Variants in MAML3 observed in about 807,000 individuals in gnomAD.
MAML3 encodes mastermind like transcriptional coactivator 3.
MAML3 carries 27 observed loss-of-function variants against 101.9 expected under a neutral mutation model. The observed-to-expected ratio is 0.27, with a 90% CI of 0.20 to 0.37. The LOEUF (loss-of-function observed/expected upper bound fraction) is 0.37. Ranked by LOEUF, MAML3 falls within the 10% of genes least tolerant of loss-of-function variation. The pLI, the probability that MAML3 is intolerant of heterozygous loss-of-function variation, is 1.00. For synonymous variants in MAML3, 501 were observed against 555.9 expected (o/e 0.90, Z 1.39); for missense variants, 1,316 against 1,444.9 (o/e 0.91, Z 1.45).
intron 1 of MAML3, among the ~76,000 whole-genome samples, chr4:139,922,661 T>C (rs1389456802): frequency 6.6e-6 from 1 of 152,232 alleles, no homozygotes; most frequent in Non-Finnish European, 1.5e-5. Flanking sequence ...CTTCTCCTTC[T>C]TTTTCATTTC....
chr4:139,771,095 T>C (rs750123252), intron 2 of MAML3, among the ~76,000 whole-genome samples: 1 of 152,244 alleles, frequency 6.6e-6, no homozygotes, highest in Non-Finnish European at 1.5e-5. Flanking sequence ...TCTTACGTTT[T>C]ATCCATTCAT....
In MAML3 at chr4:139,719,258, TC is replaced by T; in HGVS notation, c.*64del. 1 of 1,498,822 alleles carries T rather than the reference TC, an allele frequency of 6.7e-7. No homozygotes were observed. The allele number at this position is 1,498,822 out of a possible 1,614,324, so 92.8% of individuals were successfully genotyped here. A position where few individuals can be genotyped will look rare whatever the true frequency, so the allele number is the denominator to read the frequency against. ...AACAAAAAACAAGGATGGGTCAACA[TC>T]CTGTTTCTTTTTCACTTTTTAAGCT... is the stretch of plus-strand genomic sequence containing the variant. On this transcript the variant is annotated 3_prime_UTR_variant, in exon 5 of 5. Coordinates refer to ENST00000509479, the MANE Select transcript of MAML3 (RefSeq NM_018717.5).
chr4:139,906,778 CATA>C (rs1324325575), intron 1 of MAML3, among the ~76,000 whole-genome samples: 1 of 152,134 alleles, frequency 6.6e-6, no homozygotes, highest in African/African-American at 2.4e-5. Context: ...GTTAAGTTTG[CATA>C]ATATTTTCTG....
chr4:140,022,712 G>C (rs1233385415), intron 1 of MAML3, among the ~76,000 whole-genome samples: 1 of 152,160 alleles, frequency 6.6e-6, no homozygotes, highest in Non-Finnish European at 1.5e-5. Flanking sequence ...AAGGAATTGA[G>C]AATAGACAAA....
chr4:140,085,973 T>C (rs1727944974), intron 1 of MAML3, among the ~76,000 whole-genome samples: 1 of 152,264 alleles, frequency 6.6e-6, no homozygotes, highest in Admixed American at 6.5e-5. Flanking sequence ...ACTACTGGTC[T>C]AAATTTACTT....
At chr4:139,930,847 A>ATT (rs550183064) in intron 1 of MAML3, among the ~76,000 whole-genome samples, 1 of 150,272 alleles carries the variant, frequency 6.7e-6, no homozygotes, top group African/African-American at 2.4e-5. Context: ...TGATTTCATG[A>ATT]TTTTTTTTTT....
intron 2 of MAML3, among the ~76,000 whole-genome samples, chr4:139,813,643 G>C (rs1444077177): frequency 2.6e-5 from 4 of 152,158 alleles, no homozygotes; most frequent in Non-Finnish European, 5.9e-5. Context: ...GCAGTGATCA[G>C]AGAATACATT....
intron 3 of MAML3, 102 bp from the exon 4 acceptor site, chr4:139,725,937 C>G: frequency 1.1e-6 from 1 of 941,162 alleles, no homozygotes. Context: ...TTCCCCAAAA[C>G]TAAACTTTGT....
At chr4:140,051,386 C>T (rs186402722) in intron 1 of MAML3, among the ~76,000 whole-genome samples, 1 of 151,952 alleles carries the variant, frequency 6.6e-6, no homozygotes, top group Non-Finnish European at 1.5e-5. Flanking sequence ...GAAACCCTGT[C>T]TCTACTAAAA....
chr4:139,722,836 C>A (rs1030850083), intron 4 of MAML3, among the ~76,000 whole-genome samples: 1 of 152,166 alleles, frequency 6.6e-6, no homozygotes, highest in Non-Finnish European at 1.5e-5. Context: ...GCTATTTTCC[C>A]AGATGCATAA....
intron 4 of MAML3, among the ~76,000 whole-genome samples, chr4:139,724,792 T>G (rs1280423231): frequency 7.5e-6 from 1 of 134,196 alleles, no homozygotes; most frequent in Non-Finnish European, 1.7e-5. Context: ...TTTTTTTTTT[T>G]GAGACAGAGT....
chr4:140,026,915 A>C (rs997755438), intron 1 of MAML3, among the ~76,000 whole-genome samples: 1 of 152,142 alleles, frequency 6.6e-6, no homozygotes, highest in Non-Finnish European at 1.5e-5. Flanking sequence ...TAATATTATA[A>C]AATAAATAAT....
intron 2 of MAML3, among the ~76,000 whole-genome samples, chr4:139,834,471 G>A (rs563547779): frequency 3.9e-5 from 6 of 152,206 alleles, no homozygotes; most frequent in South Asian, 2.1e-4. Context: ...CCCCGTGGCC[G>A]GCCAGCGCCC....
At chr4:140,070,895 G>A (rs1727640105) in intron 1 of MAML3, among the ~76,000 whole-genome samples, 1 of 152,194 alleles carries the variant, frequency 6.6e-6, no homozygotes, top group Non-Finnish European at 1.5e-5. Flanking sequence ...CCTCTCCAGA[G>A]GGGAACCTCC....
chr4:139,908,825 C>G (rs1219187759), intron 1 of MAML3, among the ~76,000 whole-genome samples: 1 of 152,172 alleles, frequency 6.6e-6, no homozygotes, highest in Non-Finnish European at 1.5e-5. Context: ...CTGAGCTTAA[C>G]TTCTATCTGA....
chr4:140,079,092 C>T (rs1727824187), intron 1 of MAML3, among the ~76,000 whole-genome samples: 1 of 152,090 alleles, frequency 6.6e-6, no homozygotes, highest in Non-Finnish European at 1.5e-5. Flanking sequence ...GAGCTCAGTG[C>T]CTTCTTTTAT....
chr4:139,725,831 A>G lies in MAML3; in HGVS notation c.2336T>C (p.Leu779Ser). The G allele has an allele frequency of 1.2e-6, 2 of 1,613,832 alleles. No homozygotes were observed. Among genetic ancestry groups the G allele is most frequent in the Non-Finnish European group, 1.7e-6 (2 of 1,179,760 alleles). ...QQQQILAEQQ[L>S]QQSHLPRQHL... is the part of the protein sequence containing the mutation. ...CTGCCGGGGTAGATGTGATTGCTGC[A>G]ACTGCTAGAACAACAGAACACAAGA... is the stretch of plus-strand genomic sequence containing the variant. The change falls in exon 4 of 5, where the codon TTG becomes TCG. Residue 779 changes from leucine (L) to serine (S), a missense_variant. Transcript: ENST00000509479.
intron 1 of MAML3, among the ~76,000 whole-genome samples, chr4:139,939,278 G>A (rs925281813): frequency 2.6e-5 from 4 of 152,088 alleles, no homozygotes; most frequent in Non-Finnish European, 4.4e-5. Context: ...CCTCATTCTT[G>A]ACAGAGGCAT....
chr4:139,934,648 C>G (rs183464092), intron 1 of MAML3, among the ~76,000 whole-genome samples: 2 of 152,280 alleles, frequency 1.3e-5, no homozygotes, highest in East Asian at 3.9e-4. Context: ...GTCTCCACCC[C>G]TGACTTTAAA....
Sources: allele counts gnomAD v4.1 joint callset (sites outside exome capture counted in the v4.1 genomes callset), GRCh38; gene constraint gnomAD v4.1.1; transcripts MANE v1.5; gene names NCBI Gene and HGNC (gene_info 2026-07-23, HGNC 2026-07-21).